Variants in TSHZ3 observed in about 807,000 individuals in gnomAD.
TSHZ3 encodes teashirt zinc finger homeobox 3.
In TSHZ3, 10 loss-of-function variants were observed where a neutral mutation model predicts 64.5. The ratio of observed to expected loss-of-function variants is 0.16; its 90% CI spans 0.10 to 0.26. TSHZ3 has a LOEUF of 0.26. Among genes scored for constraint, TSHZ3 ranks in the 10% least tolerant of loss-of-function variants. The pLI is 1.00. For missense variants in TSHZ3, 1,242 were observed against 1,421.7 expected (o/e 0.87, Z 2.03); for synonymous variants, 608 against 593.1 (o/e 1.03, Z -0.36).
chr19:31,301,102 T>C (rs10408435), intron 1 of TSHZ3, among the ~76,000 whole-genome samples: 2,455 of 151,966 alleles, frequency 0.016, 71 homozygotes, highest in African/African-American at 0.056. Context: ...AATCGTTTTT[T>C]CCCCCCTCGG....
At chr19:31,225,782 A>G (rs1025839412) in intron 4 of TSHZ3, among the ~76,000 whole-genome samples, 1 of 151,708 alleles carries the variant, frequency 6.6e-6, no homozygotes, top group Middle Eastern at 3.4e-3. Flanking sequence ...GCTCTCACTC[A>G]TTTTCCTCCT....
At chr19:31,336,934 A>G (rs1035409376) in intron 1 of TSHZ3, among the ~76,000 whole-genome samples, 1 of 152,062 alleles carries the variant, frequency 6.6e-6, no homozygotes, top group Non-Finnish European at 1.5e-5. Context: ...TGCATATTTT[A>G]TCAGCCCTCA....
At chr19:31,151,209 G>A (rs192032244) in exon 7 of TSHZ3, among the ~76,000 whole-genome samples, 1 of 152,146 alleles carries the variant, frequency 6.6e-6, no homozygotes, top group African/African-American at 2.4e-5. Context: ...ACGGGAAAAG[G>A]TTGGCTGATT....
intron 1 of TSHZ3, chr19:31,348,922 G>A (rs1405740115): frequency 2.2e-6 from 1 of 455,182 alleles, no homozygotes; most frequent in Admixed American, 4.3e-5. Flanking sequence ...GAGGAGGTAG[G>A]GACCTGGCGC....
chr19:31,226,973 C>CTTTTTTTTTTTTTTTTTTTT (rs1255178594), intron 4 of TSHZ3, among the ~76,000 whole-genome samples: 2 of 68,158 alleles, frequency 2.9e-5, no homozygotes, highest in African/African-American at 1.8e-4. Flanking sequence ...TTCTTTCTTT[C>CTTTTTTTTTTTTTTTTTTTT]TTTCTTTTTT....
At chr19:31,258,907 A>G (rs1975949248) in intron 1 of TSHZ3, among the ~76,000 whole-genome samples, 1 of 152,184 alleles carries the variant, frequency 6.6e-6, no homozygotes, top group African/African-American at 2.4e-5. Flanking sequence ...CATTTCCAGT[A>G]CAGTGTGAGT....
chr19:31,238,007 A>T (rs1975641795), intron 3 of TSHZ3, among the ~76,000 whole-genome samples: 2 of 152,176 alleles, frequency 1.3e-5, no homozygotes, highest in Non-Finnish European at 2.9e-5. Flanking sequence ...TTATTTTATG[A>T]CTAGAATATT....
chr19:31,348,387 T>C (rs2021577393), intron 1 of TSHZ3, among the ~76,000 whole-genome samples: 1 of 151,476 alleles, frequency 6.6e-6, no homozygotes, highest in African/African-American at 2.4e-5. Flanking sequence ...TGTTTTGTTT[T>C]CAATGATGCG....
chr19:31,292,842 C>T (rs1010626053), intron 1 of TSHZ3, among the ~76,000 whole-genome samples: 1 of 151,086 alleles, frequency 6.6e-6, no homozygotes, highest in African/African-American at 2.4e-5. Context: ...ATATATCCCT[C>T]ATCTGTTCAT....
At position 31,278,405 on chromosome 19, in the gene TSHZ3, G is replaced by C; in HGVS notation, c.1388C>G (p.Ser463Cys). 6.2e-7 allele frequency: 1 copy of C among 1,614,172 alleles called. No individual in the cohort carries two copies. Among genetic ancestry groups the C allele is most frequent in the Non-Finnish European group, 8.5e-7 (1 of 1,180,040 alleles). The change falls in exon 2 of 2, where the codon TCC (serine) becomes TGC (cysteine). Residue 463 changes from serine to cysteine, a missense_variant. Physicochemically the swap from Ser to Cys is moderately radical, Grantham distance 112. This residue lies in a region of TSHZ3 where 555 missense variants were observed against 704.0 expected (regional missense o/e 0.79). Transcript: ENST00000240587. The surrounding 1 kb of genome is among the most constrained non-coding windows in gnomAD (Gnocchi z 4.7). ...CTTGACCTCCACATTCAGTTTTGGG[G>C]AGATGCTGGCAGGTGTATTGGAGGG... Reference protein sequence around the residue: ...TSPSNTPASISPKLNVEVKKE... With the variant: ...TSPSNTPASICPKLNVEVKKE...
chr19:31,161,497 G>A (rs553678176), intron 5 of TSHZ3, among the ~76,000 whole-genome samples: 1 of 152,254 alleles, frequency 6.6e-6, no homozygotes, highest in African/African-American at 2.4e-5. Context: ...CACAGTTTTA[G>A]GGATATGAGT....
At chr19:31,270,699 TTGAC>T (rs1976123733), downstream of TSHZ3, among the ~76,000 whole-genome samples, 1 of 152,216 alleles carries the variant, frequency 6.6e-6, no homozygotes, top group African/African-American at 2.4e-5. Context: ...GTTAGTATGA[TTGAC>T]TGATGAACTA....
chr19:31,162,241 GAAA>G (rs2145104449), intron 5 of TSHZ3, among the ~76,000 whole-genome samples: 1 of 152,070 alleles, frequency 6.6e-6, no homozygotes, highest in East Asian at 1.9e-4. Flanking sequence ...CAGTACTGAT[GAAA>G]TACTTAAAAA....
At chr19:31,191,832 C>A (rs1440726524) in intron 5 of TSHZ3, among the ~76,000 whole-genome samples, 1 of 152,146 alleles carries the variant, frequency 6.6e-6, no homozygotes, top group Non-Finnish European at 1.5e-5. Context: ...GCACTCCAGC[C>A]TGGGAGACTG....
At chr19:31,344,142 G>C (rs537494877) in intron 1 of TSHZ3, among the ~76,000 whole-genome samples, 112 of 152,242 alleles carry the variant, frequency 7.4e-4, no homozygotes, top group Admixed American at 2.8e-3. Flanking sequence ...TGTAACTTCA[G>C]ACAGAGAAAC....
downstream of TSHZ3, among the ~76,000 whole-genome samples, chr19:31,274,135 GT>G (rs528894487): frequency 5.9e-3 from 861 of 146,762 alleles, 14 homozygotes; most frequent in South Asian, 0.057. Flanking sequence ...TAAAATATGT[GT>G]TTTTTTTTTT....
chr19:31,298,200 C>T (rs552193000), intron 1 of TSHZ3, among the ~76,000 whole-genome samples: 4 of 152,102 alleles, frequency 2.6e-5, no homozygotes, highest in Non-Finnish European at 5.9e-5. Flanking sequence ...TGATGTGTCA[C>T]ATGACCAAGA....
chr19:31,236,374 A>G (rs1975615327), intron 3 of TSHZ3, among the ~76,000 whole-genome samples: 1 of 152,108 alleles, frequency 6.6e-6, no homozygotes, highest in Admixed American at 6.5e-5. Flanking sequence ...TTTAGTTTGC[A>G]TTTCCCTGAT....
chr19:31,188,928 A>C (rs961176845), intron 5 of TSHZ3, among the ~76,000 whole-genome samples: 3 of 151,996 alleles, frequency 2.0e-5, no homozygotes, highest in Non-Finnish European at 4.4e-5. Context: ...TGATAGGAAG[A>C]GTGTGATAAC....
Sources: gnomAD v4.1 joint callset for allele counts (sites outside exome capture counted in the v4.1 genomes callset) on GRCh38, gnomAD v4.1.1 for gene constraint, gnomAD v4.1.1 regional missense constraint, Gnocchi (gnomAD v3.1) non-coding constraint, MANE v1.5 for transcripts, NCBI Gene and HGNC (gene_info 2026-07-23, HGNC 2026-07-21) for gene names.